Variants in CLEC16A observed in about 807,000 individuals in gnomAD.
CLEC16A encodes protein CLEC16A.
A neutral mutation model predicts 109.5 loss-of-function variants in CLEC16A; 51 were observed. That is an observed-to-expected ratio of 0.47 (90% CI 0.37 to 0.59). The LOEUF is 0.59. CLEC16A is among the 20% of genes least tolerant of loss of function. The pLI, the probability that CLEC16A is intolerant of heterozygous loss-of-function variation, is 0.00. For missense variants in CLEC16A, 1,339 were observed against 1,394.0 expected (o/e 0.96, Z 0.63); for synonymous variants, 673 against 564.2 (o/e 1.19, Z -2.73).
intron 7 of CLEC16A, among the ~76,000 whole-genome samples, chr16:10,974,494 T>C (rs2042947086): frequency 1.3e-5 from 2 of 152,196 alleles, no homozygotes; most frequent in African/African-American, 2.4e-5. Flanking sequence ...GTAGGATTTT[T>C]AGCAACATCG....
At chr16:11,120,846 C>G in intron 20 of CLEC16A, 80 bp downstream of exon 20, 1 of 1,147,440 alleles carries the variant, frequency 8.7e-7, no homozygotes, top group Non-Finnish European at 1.1e-6. Flanking sequence ...ACACCACACA[C>G]AATTGTCATC....
intron 18 of CLEC16A, among the ~76,000 whole-genome samples, chr16:11,054,483 C>T (rs2048108634): frequency 6.6e-6 from 1 of 152,216 alleles, no homozygotes; most frequent in South Asian, 2.1e-4. Flanking sequence ...GGATGCACAA[C>T]CCGAGTGGCT....
chr16:11,016,851 T>C (rs149844209), intron 11 of CLEC16A, among the ~76,000 whole-genome samples: 1 of 152,224 alleles, frequency 6.6e-6, no homozygotes, highest in East Asian at 1.9e-4. Context: ...ACACACCACT[T>C]AGAAAGCACT....
At chr16:11,065,772 G>A (rs150348442) in intron 19 of CLEC16A, among the ~76,000 whole-genome samples, 8 of 152,212 alleles carry the variant, frequency 5.3e-5, no homozygotes, top group African/African-American at 1.9e-4. Context: ...CAGAAATGAG[G>A]ACTGCCTTTT....
chr16:11,011,699 C>A (rs1333412598), intron 11 of CLEC16A, among the ~76,000 whole-genome samples: 1 of 152,180 alleles, frequency 6.6e-6, no homozygotes, highest in Admixed American at 6.5e-5. Context: ...GCTAGGAAAT[C>A]TATGTATGTA....
At chr16:10,951,695 A>G (rs1224679427) in intron 1 of CLEC16A, among the ~76,000 whole-genome samples, 2 of 152,264 alleles carry the variant, frequency 1.3e-5, no homozygotes, top group Admixed American at 6.5e-5. Context: ...GTACATACAT[A>G]GTTTGAGAAA....
Position 11,024,822 on chromosome 16 carries a change from C to T in CLEC16A, c.1438C>T (p.Pro480Ser). 6 of 1,595,788 alleles carry T rather than the reference C, an allele frequency of 3.8e-6. No individual in the cohort carries two copies. Among genetic ancestry groups the T allele is most frequent in the Non-Finnish European group, 5.1e-6 (6 of 1,170,652 alleles). The change falls in exon 13 of 24, where the codon CCC becomes TCC. Residue 480 changes from proline (P) to serine (S), a missense_variant and splice_region_variant. Transcript: ENST00000409790. Reference protein sequence around the residue: ...TCSESTQWSRPFLDMVYHALD... With the variant: ...TCSESTQWSRSFLDMVYHALD... The stretch of plus-strand genomic sequence containing the variant: ...ATACATGCCCCTCCTCTTTTCCAGA[C>T]CCTTCCTGGATATGGTGTACCACGC...
At chr16:10,975,324 G>A (rs2042982604) in intron 7 of CLEC16A, among the ~76,000 whole-genome samples, 1 of 152,112 alleles carries the variant, frequency 6.6e-6, no homozygotes, top group Non-Finnish European at 1.5e-5. Context: ...GCAAGACACT[G>A]TCTCAAAGAA....
chr16:11,073,561 G>A (rs978369435), intron 19 of CLEC16A, among the ~76,000 whole-genome samples: 4 of 152,072 alleles, frequency 2.6e-5, no homozygotes, highest in Admixed American at 6.6e-5. Context: ...TCAGATCCTC[G>A]CAGTGCAGCG....
chr16:11,102,823 A>C (rs1337889523), intron 19 of CLEC16A, among the ~76,000 whole-genome samples: 1 of 152,260 alleles, frequency 6.6e-6, no homozygotes, highest in East Asian at 1.9e-4. Context: ...CTAGCACCTT[A>C]CAAACATCAT....
At chr16:11,144,646 T>C (rs972613489) in intron 22 of CLEC16A, among the ~76,000 whole-genome samples, 2 of 152,214 alleles carry the variant, frequency 1.3e-5, no homozygotes, top group African/African-American at 4.8e-5. Flanking sequence ...GCCCTAGCTG[T>C]GCATTTTTAA....
chr16:11,055,966 C>G (rs1301612618), intron 18 of CLEC16A, among the ~76,000 whole-genome samples: 2 of 152,038 alleles, frequency 1.3e-5, no homozygotes, highest in Admixed American at 1.3e-4. Flanking sequence ...GTGTCAGGCT[C>G]TGAGTAAGAT....
intron 22 of CLEC16A, chr16:11,157,025 A>G (rs2054558735): frequency 7.8e-7 from 1 of 1,280,884 alleles, no homozygotes; most frequent in Non-Finnish European, 1.0e-6. Context: ...GGGCACAATT[A>G]GGACACAGAG....
At chr16:11,031,616 C>T (rs1274078163) in intron 13 of CLEC16A, among the ~76,000 whole-genome samples, 2 of 152,112 alleles carry the variant, frequency 1.3e-5, no homozygotes, top group Non-Finnish European at 2.9e-5. Context: ...TTTTGGAAGC[C>T]CCTGTTAGAT....
At chr16:11,076,971 T>G (rs1034959056) in intron 19 of CLEC16A, among the ~76,000 whole-genome samples, 6 of 152,216 alleles carry the variant, frequency 3.9e-5, no homozygotes, top group Admixed American at 2.6e-4. Context: ...TATTGTGACC[T>G]TGAATCCTAA....
At position 11,181,544 on chromosome 16, in the gene CLEC16A, A is replaced by G. The variant is rs902309628; in HGVS notation, c.*2854A>G. 4 of 152,262 alleles carry G rather than the reference A, an allele frequency of 2.6e-5. No individual in the cohort carries two copies. Among genetic ancestry groups the G allele is most frequent in the Admixed American group, 1.3e-4 (2 of 15,296 alleles). 9.4% of individuals were successfully genotyped at this position (152,262 alleles called of 1,614,324 possible). A position where few individuals can be genotyped will look rare whatever the true frequency, so the allele number is the denominator to read the frequency against. On this transcript the variant is annotated 3_prime_UTR_variant, in exon 24 of 24. Coordinates refer to ENST00000409790, the MANE Select transcript of CLEC16A (RefSeq NM_015226.3). ...GAACTCCCAAACCTTGGCTTTGAAT[A>G]TTGTTGTGGAGGTGTGCTCGTCCCT...
At chr16:11,132,024 G>T (rs1458134116) in intron 22 of CLEC16A, among the ~76,000 whole-genome samples, 2 of 152,200 alleles carry the variant, frequency 1.3e-5, no homozygotes, top group Admixed American at 6.5e-5. Context: ...CCTTCCCTGA[G>T]TGCCCAGGTC....
intron 23 of CLEC16A, among the ~76,000 whole-genome samples, chr16:11,171,663 G>A (rs192095092): frequency 6.6e-6 from 1 of 152,304 alleles, no homozygotes; most frequent in Admixed American, 6.5e-5. Context: ...AGAATATACA[G>A]CGGGAAAGTG....
chr16:11,119,946 G>GTTGTT (rs796789926), intron 19 of CLEC16A, among the ~76,000 whole-genome samples: 1,533 of 131,684 alleles, frequency 0.012, 35 homozygotes, highest in African/African-American at 0.046. Flanking sequence ...TGATTGTTTT[G>GTTGTT]TTGTTTTGTT....
Sources: gnomAD v4.1 joint callset for allele counts (sites outside exome capture counted in the v4.1 genomes callset) on GRCh38, gnomAD v4.1.1 for gene constraint, MANE v1.5 for transcripts, NCBI Gene and HGNC (gene_info 2026-07-23, HGNC 2026-07-21) for gene names.